The following SLAMF6 variants were observed in gnomAD, a reference collection of about 807,000 sequenced individuals.
SLAMF6 encodes the protein SLAM family member 6, also known as NK-T-B-antigen.
Under a neutral mutation model 38.3 loss-of-function variants are expected in SLAMF6, and 21 were observed. The ratio of observed to expected loss-of-function variants is 0.55; its 90% CI spans 0.39 to 0.79. The LOEUF (loss-of-function observed/expected upper bound fraction) is 0.79, where lower values mean the gene tolerates loss of function less well. SLAMF6 is among the 30% of genes least tolerant of loss of function. SLAMF6 has a pLI of 0.00. For missense variants in SLAMF6, 341 were observed against 385.3 expected, an observed-to-expected ratio of 0.89 and a Z score of 0.96; for synonymous variants, 152 against 146.3, an observed-to-expected ratio of 1.04 and a Z score of -0.28.
chr1:160,499,459 T>C (rs1273233698), intron 1 of SLAMF6, among the ~76,000 whole-genome samples: 1 of 152,326 alleles, frequency 6.6e-6, no homozygotes, highest in South Asian at 2.1e-4. Flanking sequence ...TTGGTTACTA[T>C]AGTCTTATGG....
intron 1 of SLAMF6, among the ~76,000 whole-genome samples, chr1:160,500,695 T>C (rs1212547337): frequency 6.6e-6 from 1 of 152,196 alleles, no homozygotes; most frequent in Non-Finnish European, 1.5e-5. Context: ...TTGTCTGTTT[T>C]GTCTACTATT....
chr1:160,523,172 C>A lies in SLAMF6; in HGVS notation c.21G>T (p.Ser7=). Reference sequence around the variant, plus strand: ...GGCCAAAGCAGAAGACAAACAGGAGCGATTGGAACAGCCACAACATGCTTT... The same window carrying A: ...GGCCAAAGCAGAAGACAAACAGGAGAGATTGGAACAGCCACAACATGCTTT... MLWLFQ[S]LLFVFCFGPG... Residue 7 remains serine (S), a synonymous_variant, in exon 1 of 8, where the codon TCG becomes TCT. Transcript: ENST00000368057. 4.3e-6 allele frequency: 7 copies of A among 1,613,706 alleles called. No individual in the cohort carries two copies. Among genetic ancestry groups the A allele is most frequent in the South Asian group, 3.3e-5 (3 of 91,020 alleles).
chr1:160,489,884 C>T (rs1653186961), intron 5 of SLAMF6, among the ~76,000 whole-genome samples: 1 of 152,168 alleles, frequency 6.6e-6, no homozygotes, highest in Non-Finnish European at 1.5e-5. Context: ...TGCTCTAATC[C>T]TGCCTGTGCC....
chr1:160,517,754 C>T (rs1226580643), intron 1 of SLAMF6, among the ~76,000 whole-genome samples: 1 of 152,058 alleles, frequency 6.6e-6, no homozygotes, highest in Non-Finnish European at 1.5e-5. Flanking sequence ...CATACAAGAA[C>T]AGAAAACCAA....
Position 160,485,065 on chromosome 1 carries a change from T to A in SLAMF6, c.*1642A>T, listed in dbSNP as rs902007914. The A allele has an allele frequency of 2.0e-5, 3 of 152,168 alleles. No individual in the cohort carries two copies. The highest frequency in any genetic ancestry group is 7.2e-5 in the African/African-American group (3 of 41,424). The allele number at this position is 152,168 out of a possible 1,614,324, so 9.4% of individuals were successfully genotyped here. A position where few individuals can be genotyped will look rare whatever the true frequency, so the allele number is the denominator to read the frequency against. ...TTTCATTTTATTTTATTTATTTATT[T>A]TTTGAGACAGAGTCTCACTCTGTCA... On this transcript the variant is annotated 3_prime_UTR_variant, in exon 8 of 8. Transcript: ENST00000368057.
At chr1:160,504,469 C>T (rs749057937) in intron 1 of SLAMF6, among the ~76,000 whole-genome samples, 1 of 152,164 alleles carries the variant, frequency 6.6e-6, no homozygotes, top group Non-Finnish European at 1.5e-5. Context: ...AACTTGATAG[C>T]AGTCTTGAAG....
At chr1:160,500,900 C>A (rs141658362) in intron 1 of SLAMF6, among the ~76,000 whole-genome samples, 1 of 152,062 alleles carries the variant, frequency 6.6e-6, no homozygotes, top group African/African-American at 2.4e-5. Context: ...TTGCCTGGAA[C>A]GCTTGTTTAA....
At position 160,485,445 on chromosome 1, in the gene SLAMF6, A is replaced by C. The variant is rs1301572050; in HGVS notation, c.*1262T>G. On this transcript the variant is annotated 3_prime_UTR_variant, in exon 8 of 8. Transcript: ENST00000368057. ...ACCTAAAGAATAGGAGGACCCCAGC[A>C]GGCAGAGGAAGGGCCTGCAGGAAGA... 3 of 152,228 alleles carry C rather than the reference A, an allele frequency of 2.0e-5. No individual in the cohort carries two copies. Among genetic ancestry groups the C allele is most frequent in the Non-Finnish European group, 2.9e-5 (2 of 68,040 alleles). The allele number at this position is 152,228 out of a possible 1,614,324, so 9.4% of individuals were successfully genotyped here.
chr1:160,497,199 C>T (rs1653632544), intron 1 of SLAMF6, among the ~76,000 whole-genome samples: 1 of 152,138 alleles, frequency 6.6e-6, no homozygotes, highest in African/African-American at 2.4e-5. Context: ...CAAAGTAACA[C>T]ATGATGGCCA....
rs150055344 is a variant in SLAMF6 at position 160,487,855 on chromosome 1, C to T, written c.880-680G>A. Reference sequence around the variant, plus strand: ...CTGTAAACCCAACACTTTGGGAGGACGAGGCAGGCGGATCACTTGAGCGCA... The same window carrying T: ...CTGTAAACCCAACACTTTGGGAGGATGAGGCAGGCGGATCACTTGAGCGCA... On this transcript the variant is annotated intron_variant, in intron 6 of 7. Transcript: ENST00000368057. 1.3e-3 allele frequency among the ~76,000 whole-genome samples: 199 copies of T among 152,210 alleles called. 4 individuals carry two copies. The East Asian group carries it at 0.036, about 27-fold the overall frequency.
chr1:160,500,794 G>A (rs900302108), intron 1 of SLAMF6, among the ~76,000 whole-genome samples: 2 of 152,028 alleles, frequency 1.3e-5, no homozygotes, highest in African/African-American at 4.8e-5. Flanking sequence ...CCTTCTCTTG[G>A]AGGTTTTCTG....
chr1:160,508,917 T>C lies in SLAMF6; in HGVS notation c.50-12524A>G, dbSNP rs553427788. Among the ~76,000 whole-genome samples the C allele has an allele frequency of 1.1e-4, 16 of 152,322 alleles. No individual in the cohort carries two copies. In the South Asian group the frequency reaches 3.3e-3, roughly 32 times the overall value. On this transcript the variant is annotated intron_variant, in intron 1 of 7. Transcript: ENST00000368057. ...CATATGAAAAAATGCTCATCATCACTGGTCATCAGAGAAATGCAAACCAAA... is the reference window on the plus strand; with the variant it reads ...CATATGAAAAAATGCTCATCATCACCGGTCATCAGAGAAATGCAAACCAAA...
intron 2 of SLAMF6, among the ~76,000 whole-genome samples, chr1:160,495,150 C>T (rs938969799): frequency 9.9e-5 from 15 of 152,192 alleles, no homozygotes; most frequent in Middle Eastern, 3.4e-3. Flanking sequence ...TTTTTGAGTA[C>T]CATGTCTTAA....
chr1:160,488,038 C>G (rs1323050640), intron 6 of SLAMF6, among the ~76,000 whole-genome samples: 2 of 150,118 alleles, frequency 1.3e-5, no homozygotes, highest in African/African-American at 4.9e-5. Context: ...CTGCAGTGAG[C>G]TGTGATTGTG....
rs904158407 is a variant in SLAMF6 at position 160,490,794 on chromosome 1, T to C, written c.647-109A>G. The C allele has an allele frequency of 3.1e-5, 46 of 1,480,496 alleles. 1 individual carries two copies. The highest frequency in any genetic ancestry group is 2.7e-4 in the South Asian group (19 of 70,052). The allele number at this position is 1,480,496 out of a possible 1,614,324, so 91.7% of individuals were successfully genotyped here. On this transcript the variant is annotated intron_variant, in intron 3 of 7. Coordinates refer to ENST00000368057, the MANE Select transcript of SLAMF6 (RefSeq NM_001184714.2). ...GCCATCTTTGGGGACTAGGTAAGTTTGTCTATAGCCGGAGGCTCTGGGGTG... is the reference window on the plus strand; with the variant it reads ...GCCATCTTTGGGGACTAGGTAAGTTCGTCTATAGCCGGAGGCTCTGGGGTG...
At position 160,496,401 on chromosome 1, in the gene SLAMF6, C is replaced by T. The variant is rs944044436; in HGVS notation, c.50-8G>A. The T allele has an allele frequency of 1.9e-6, 3 of 1,610,090 alleles. No individual in the cohort carries two copies. The highest frequency in any genetic ancestry group is 2.5e-6 in the Non-Finnish European group (3 of 1,177,274). On this transcript the variant is annotated splice_polypyrimidine_tract_variant and splice_region_variant and intron_variant, in intron 1 of 7. Transcript: ENST00000368057. ...TTTGTGAAACTACATTCCCTGTAAA[C>T]ACAGAAGGAAAGGTTTTAAAAATGT...
chr1:160,516,692 C>T (rs760442217), intron 1 of SLAMF6, among the ~76,000 whole-genome samples: 4 of 152,060 alleles, frequency 2.6e-5, no homozygotes, highest in Non-Finnish European at 4.4e-5. Context: ...ATAGAGAACC[C>T]ATAAATAAGA....
intron 1 of SLAMF6, among the ~76,000 whole-genome samples, chr1:160,519,674 A>C (rs1384598400): frequency 6.6e-6 from 1 of 151,932 alleles, no homozygotes; most frequent in Non-Finnish European, 1.5e-5. Flanking sequence ...CATGATGCTA[A>C]GTGAAAGAAG....
intron 1 of SLAMF6, among the ~76,000 whole-genome samples, chr1:160,500,449 C>A (rs747715194): frequency 6.6e-6 from 1 of 152,174 alleles, no homozygotes; most frequent in Non-Finnish European, 1.5e-5. Context: ...AGTATCCATG[C>A]AGCTCACTCT....
Sources: gnomAD v4.1 joint callset for allele counts (sites outside exome capture counted in the v4.1 genomes callset) on GRCh38, gnomAD v4.1.1 for gene constraint, MANE v1.5 for transcripts, NCBI Gene and HGNC (gene_info 2026-07-23, HGNC 2026-07-21) for gene names.